The following DST variants were observed in gnomAD, a reference collection of about 807,000 sequenced individuals.
DST encodes bullous pemphigoid antigen.
In DST, 253 loss-of-function variants were observed where a neutral mutation model predicts 875.2. The ratio of observed to expected loss-of-function variants is 0.29; its 90% CI spans 0.26 to 0.32. DST has a LOEUF of 0.32. Among genes scored for constraint, DST ranks in the 10% least tolerant of loss-of-function variants. The pLI is 1.00. For synonymous variants in DST, 3,124 were observed against 3,197.1 expected (o/e 0.98, Z 0.77); for missense variants, 8,287 against 9,111.6 (o/e 0.91, Z 3.68).
chr6:56,668,775 T>A (rs1588166888), intron 10 of DST, among the ~76,000 whole-genome samples: 1 of 151,414 alleles, frequency 6.6e-6, no homozygotes, highest in East Asian at 1.9e-4. Flanking sequence ...TCTCAAAAAA[T>A]TAATTAATTA....
intron 4 of DST, among the ~76,000 whole-genome samples, chr6:56,770,385 C>T (rs1427444146): frequency 1.3e-5 from 2 of 152,152 alleles, no homozygotes; most frequent in Non-Finnish European, 2.9e-5. Flanking sequence ...TTGTAAAAGG[C>T]AGTGACTCAA....
At chr6:56,852,599 G>A (rs1201727105) in intron 3 of DST, among the ~76,000 whole-genome samples, 1 of 152,210 alleles carries the variant, frequency 6.6e-6, no homozygotes, top group Non-Finnish European at 1.5e-5. Context: ...GGTTGTGTTT[G>A]TGATTATTTA....
chr6:56,953,135 T>C (rs1823210580), intron 2 of DST, among the ~76,000 whole-genome samples: 1 of 152,212 alleles, frequency 6.6e-6, no homozygotes, highest in South Asian at 2.1e-4. Flanking sequence ...AAGTGGAGGT[T>C]GGCCTGAAAA....
At chr6:56,719,808 A>C (rs111734421) in intron 5 of DST, among the ~76,000 whole-genome samples, 3,366 of 152,266 alleles carry the variant, frequency 0.022, 103 homozygotes, top group African/African-American at 0.07. Context: ...AAGCCACAAA[A>C]CCAGCAAGTT....
intron 5 of DST, among the ~76,000 whole-genome samples, chr6:56,705,898 C>G (rs1292674735): frequency 6.6e-6 from 1 of 152,104 alleles, no homozygotes; most frequent in African/African-American, 2.4e-5. Context: ...TTCCTAATTC[C>G]CAAGGAATAT....
chr6:56,795,565 C>T (rs2153012225), intron 4 of DST, among the ~76,000 whole-genome samples: 1 of 152,296 alleles, frequency 6.6e-6, no homozygotes, highest in African/African-American at 2.4e-5. Context: ...CAGTAGTTCT[C>T]AACTCTGGCT....
intron 61 of DST, among the ~76,000 whole-genome samples, chr6:56,550,294 C>T (rs1346429691): frequency 6.6e-6 from 1 of 152,000 alleles, no homozygotes; most frequent in East Asian, 1.9e-4. Flanking sequence ...CCATGATGTT[C>T]TTTATTGCTG....
chr6:56,871,276 C>G, intron 3 of DST: 1 of 782,128 alleles, frequency 1.3e-6, no homozygotes, highest in Non-Finnish European at 2.4e-6. Context: ...TTTAAGAACA[C>G]TCGTGAAACT....
chr6:56,954,378 C>T, intron 1 of DST, 29 bp downstream of exon 1: 1 of 1,352,498 alleles, frequency 7.4e-7, no homozygotes, highest in Non-Finnish European at 9.9e-7. Flanking sequence ...TCCTGGTAGC[C>T]CGCAGAAACC....
chr6:56,555,791 G>GT lies in DST; in HGVS notation c.14689dup (p.Thr4897AsnfsTer34). On this transcript the variant is annotated frameshift_variant, in exon 60 of 104. Transcript: ENST00000680361. LOFTEE classifies it high-confidence loss of function. ...GCTCAGAATGCCCTGACCAGCTGCT[G>GT]TCAGCTGTTCATATTGAGGTTTCCG... 1 of 1,560,120 alleles carries GT rather than the reference G, an allele frequency of 6.4e-7. No individual in the cohort carries two copies. Among genetic ancestry groups the GT allele is most frequent in the Non-Finnish European group, 8.7e-7 (1 of 1,149,148 alleles).
At chr6:56,831,462 C>T (rs539799888) in intron 4 of DST, among the ~76,000 whole-genome samples, 1 of 152,258 alleles carries the variant, frequency 6.6e-6, no homozygotes, top group Admixed American at 6.5e-5. Flanking sequence ...CCACACATAA[C>T]ACAAAGCCTC....
intron 9 of DST, among the ~76,000 whole-genome samples, chr6:56,678,709 C>A (rs1270280916): frequency 6.6e-6 from 1 of 152,132 alleles, no homozygotes; most frequent in Non-Finnish European, 1.5e-5. Context: ...CACAGATTTA[C>A]AAAGACAAAA....
Position 56,515,657 on chromosome 6 carries a change from G to A in DST, c.18369C>T (p.Asp6123=). The change falls in exon 72 of 104, where the codon GAC becomes GAT. Residue 6123 remains aspartate (D), a synonymous_variant. Transcript: ENST00000680361. Reference sequence around the variant, plus strand: ...TGGTATCATAGTTCTTCAGTACCTTGTCCAGTTTTTTCTAGAAAATAAAAG... The same window carrying A: ...TGGTATCATAGTTCTTCAGTACCTTATCCAGTTTTTTCTAGAAAATAAAAG... ...EEKQSMKKKL[D]KVLKNYDTIC... is the part of the protein sequence containing the mutation. The A allele has an allele frequency of 6.2e-7, 1 of 1,600,944 alleles. No individual in the cohort carries two copies. The highest frequency in any genetic ancestry group is 8.5e-7 in the Non-Finnish European group (1 of 1,172,664).
chr6:56,464,029 C>G, intron 100 of DST: 1 of 518,954 alleles, frequency 1.9e-6, no homozygotes, highest in Non-Finnish European at 3.6e-6. Context: ...AGAATAACCA[C>G]TATTAAAGAA....
At chr6:56,870,541 T>C (rs1229106011) in intron 3 of DST, among the ~76,000 whole-genome samples, 1 of 149,914 alleles carries the variant, frequency 6.7e-6, no homozygotes, top group Non-Finnish European at 1.5e-5. Flanking sequence ...GGTGGGCAGA[T>C]CACCTGAGGT....
intron 23 of DST, among the ~76,000 whole-genome samples, 151 bp downstream of exon 23, chr6:56,636,402 GTATA>G (rs375815463): frequency 1.3e-5 from 2 of 149,612 alleles, no homozygotes; most frequent in Non-Finnish European, 3.0e-5. Context: ...ACGTATGTGT[GTATA>G]TATATACACA....
chr6:56,555,484 C>T lies in DST; in HGVS notation c.14997G>A (p.Gln4999=), dbSNP rs1480819232. Residue 4999 remains glutamine, a synonymous_variant, in exon 60 of 104, where the codon CAG becomes CAA. Transcript: ENST00000680361. ...GGGCCACTTTTATCTGCTTCTTTTCCTGCTGTATCTCCTGCTTCATTTTTT... is the reference window on the plus strand; with the variant it reads ...GGGCCACTTTTATCTGCTTCTTTTCTTGCTGTATCTCCTGCTTCATTTTTT... ...TAQKMKQEIQ[Q]EKKQIKVAQA... is the part of the protein sequence containing the mutation. 5 of 1,613,874 alleles carry T rather than the reference C, an allele frequency of 3.1e-6. No individual in the cohort carries two copies. Among genetic ancestry groups the T allele is most frequent in the South Asian group, 2.2e-5 (2 of 91,082 alleles).
intron 4 of DST, among the ~76,000 whole-genome samples, chr6:56,771,704 G>A (rs2099666128): frequency 6.6e-6 from 1 of 152,024 alleles, no homozygotes; most frequent in African/African-American, 2.4e-5. Context: ...ACAACTACAG[G>A]GAAAAAACTG....
At chr6:56,948,084 C>T (rs1458788575) in intron 2 of DST, among the ~76,000 whole-genome samples, 1 of 152,240 alleles carries the variant, frequency 6.6e-6, no homozygotes, top group African/African-American at 2.4e-5. Context: ...ACTAAGCACT[C>T]ATCATGCCCT....
Sources: allele counts gnomAD v4.1 joint callset (sites outside exome capture counted in the v4.1 genomes callset), GRCh38; gene constraint gnomAD v4.1.1; transcripts MANE v1.5; gene names NCBI Gene and HGNC (gene_info 2026-07-23, HGNC 2026-07-21).